The following TSC22D3 variants were observed in gnomAD, a reference collection of about 807,000 sequenced individuals.
TSC22D3 encodes TSC22 domain family protein 3.
Under a neutral mutation model 11.1 loss-of-function variants are expected in TSC22D3, and 4 were observed. The ratio of observed to expected loss-of-function variants is 0.36; its 90% CI spans 0.18 to 0.83. The LOEUF (loss-of-function observed/expected upper bound fraction) is 0.83, where lower values mean the gene tolerates loss of function less well. Among genes scored for constraint, TSC22D3 ranks in the 40% least tolerant of loss-of-function variants. TSC22D3 has a pLI of 0.48. For missense variants in TSC22D3, 118 were observed against 159.4 expected (o/e 0.74, Z 1.40); for synonymous variants, 77 against 70.3 (o/e 1.10, Z -0.48).
At chrX:107,756,807 C>T (rs1929200190) in intron 1 of TSC22D3, among the ~76,000 whole-genome samples, 1 of 112,874 alleles carries the variant, frequency 8.9e-6, no homozygotes. Context: ...CCAGTGCCCT[C>T]TGTGGAGTGG....
intron 2 of TSC22D3, 191 bp downstream of exon 2, chrX:107,715,708 A>G (rs1602940496): frequency 6.0e-6 from 3 of 503,141 alleles, no homozygotes; most frequent in Non-Finnish European, 7.1e-6. Context: ...GAGCCCAGGA[A>G]GGGAAGACTG....
At chrX:107,724,098 T>G (rs1314078229) in intron 1 of TSC22D3, among the ~76,000 whole-genome samples, 1 of 112,615 alleles carries the variant, frequency 8.9e-6, no homozygotes, top group Non-Finnish European at 1.9e-5. Flanking sequence ...GATTCTCAGT[T>G]GTGGGACTCT....
chrX:107,762,870 T>G (rs1929503294), intron 1 of TSC22D3, among the ~76,000 whole-genome samples: 1 of 97,249 alleles, frequency 1.0e-5, no homozygotes. Context: ...TTTTTTTTTT[T>G]TCTGAGATGG....
intron 1 of TSC22D3, among the ~76,000 whole-genome samples, chrX:107,736,355 C>T (rs1928133250): frequency 9.0e-6 from 1 of 111,452 alleles, no homozygotes; most frequent in Non-Finnish European, 1.9e-5. Flanking sequence ...CCACTTGGGG[C>T]CACTCCCACT....
In TSC22D3 at chrX:107,737,556, G is replaced by A. The variant is rs763641640; in HGVS notation, c.321-21606C>T. 2.1e-4 allele frequency among the ~76,000 whole-genome samples: 23 copies of A among 111,162 alleles called. No individual in the cohort carries two copies. In the East Asian group the frequency reaches 6.2e-3, roughly 30 times the overall value. On this transcript the variant is annotated intron_variant, in intron 1 of 2. Transcript: ENST00000372383. ...CTACCTTCCCTCCGTGCACAAAGAG[G>A]GTGGCTGCCTCCATGCTGCTTTTTT...
intron 1 of TSC22D3, among the ~76,000 whole-genome samples, chrX:107,770,767 C>T (rs930096539): frequency 7.1e-5 from 8 of 112,304 alleles, no homozygotes; most frequent in Non-Finnish European, 1.3e-4. Context: ...TGTCAAAGCT[C>T]CTGTTACAGG....
chrX:107,730,984 A>G (rs886662613), intron 1 of TSC22D3, among the ~76,000 whole-genome samples: 1 of 112,308 alleles, frequency 8.9e-6, no homozygotes, highest in Non-Finnish European at 1.9e-5. Flanking sequence ...TCAAATGTAA[A>G]TGGCCTTCGG....
intron 1 of TSC22D3, among the ~76,000 whole-genome samples, chrX:107,743,633 T>A (rs777151500): frequency 8.9e-6 from 1 of 112,337 alleles, no homozygotes; most frequent in Non-Finnish European, 1.9e-5. Flanking sequence ...CCTTTACTTG[T>A]CAATAGACAT....
chrX:107,749,663 T>C (rs962802577), intron 1 of TSC22D3, among the ~76,000 whole-genome samples: 10 of 111,060 alleles, frequency 9.0e-5, no homozygotes, highest in African/African-American at 3.3e-4. Context: ...CAGGGTGAAG[T>C]TGGGGTGATG....
At chrX:107,720,562 G>A (rs960656448) in intron 1 of TSC22D3, among the ~76,000 whole-genome samples, 6 of 111,163 alleles carry the variant, frequency 5.4e-5, no homozygotes, top group Non-Finnish European at 7.5e-5. Flanking sequence ...GCATGGTGGC[G>A]CATGCCTGTA....
intron 1 of TSC22D3, among the ~76,000 whole-genome samples, chrX:107,750,232 C>T (rs760332918): frequency 4.9e-4 from 54 of 109,706 alleles, no homozygotes; most frequent in South Asian, 1.9e-3. Flanking sequence ...CCTGCTTTCT[C>T]GCTTAGTTTT....
intron 1 of TSC22D3, among the ~76,000 whole-genome samples, chrX:107,769,704 CTCTT>C (rs1387260816): frequency 1.0e-5 from 1 of 98,358 alleles, no homozygotes; most frequent in African/African-American, 4.4e-5. Flanking sequence ...ATACATCTCT[CTCTT>C]TCTCTTTCAC....
intron 1 of TSC22D3, among the ~76,000 whole-genome samples, chrX:107,718,856 AC>A (rs770515332): frequency 1.3e-4 from 15 of 111,858 alleles, no homozygotes; most frequent in Non-Finnish European, 2.6e-4. Flanking sequence ...CGGTGTTTGC[AC>A]TAAGACATGT....
At chrX:107,741,187 C>T (rs7878978) in intron 1 of TSC22D3, among the ~76,000 whole-genome samples, 1,835 of 112,618 alleles carry the variant, frequency 0.016, 36 homozygotes, top group African/African-American at 0.055. Flanking sequence ...GCATCTTTCT[C>T]CCTGGGGTTG....
At chrX:107,769,715 T>TCACACA (rs748668681) in intron 1 of TSC22D3, among the ~76,000 whole-genome samples, 1,109 of 101,498 alleles carry the variant, frequency 0.011, 20 homozygotes, top group African/African-American at 0.038. Context: ...TCTTTCTCTT[T>TCACACA]CACACACACA....
chrX:107,735,602 C>T (rs1429790842), intron 1 of TSC22D3, among the ~76,000 whole-genome samples: 2 of 110,830 alleles, frequency 1.8e-5, no homozygotes, highest in Non-Finnish European at 3.8e-5. Flanking sequence ...CGGCTCCTCA[C>T]TGGCATGCCC....
At chrX:107,742,081 C>T (rs1405955060) in intron 1 of TSC22D3, among the ~76,000 whole-genome samples, 1 of 110,172 alleles carries the variant, frequency 9.1e-6, no homozygotes, top group Non-Finnish European at 1.9e-5. Context: ...AAAGGCCCCT[C>T]CCCTCCCAAG....
At chrX:107,767,503 G>T (rs2147790853) in intron 1 of TSC22D3, among the ~76,000 whole-genome samples, 1 of 112,133 alleles carries the variant, frequency 8.9e-6, no homozygotes, top group Middle Eastern at 4.6e-3. Flanking sequence ...GGAATTTTCA[G>T]CTAGAAGGTA....
intron 1 of TSC22D3, chrX:107,716,810 A>C: frequency 8.3e-7 from 1 of 1,210,001 alleles, no homozygotes; most frequent in Non-Finnish European, 1.1e-6. Context: ...TTCGGTGTTC[A>C]TGGCTCGGGC....
Sources: gnomAD v4.1 joint callset for allele counts (sites outside exome capture counted in the v4.1 genomes callset) on GRCh38, gnomAD v4.1.1 for gene constraint, MANE v1.5 for transcripts, NCBI Gene and HGNC (gene_info 2026-07-23, HGNC 2026-07-21) for gene names.